Variants in LRP1B observed in about 807,000 individuals in gnomAD.
LRP1B encodes LDL receptor related protein 1B, also known as low-density lipoprotein receptor-related protein 1B.
LRP1B carries 217 observed loss-of-function variants against 556.6 expected under a neutral mutation model. The observed-to-expected ratio is 0.39, with a 90% CI of 0.35 to 0.44. The LOEUF (loss-of-function observed/expected upper bound fraction) is 0.44, where lower values mean the gene tolerates loss of function less well. LRP1B is among the 20% of genes least tolerant of loss of function. The pLI, the probability that LRP1B is intolerant of heterozygous loss-of-function variation, is 1.00. For synonymous variants in LRP1B, 2,047 were observed against 1,865.8 expected, an observed-to-expected ratio of 1.10 and a Z score of -2.50; for missense variants, 5,053 against 5,620.8, an observed-to-expected ratio of 0.90 and a Z score of 3.23.
chr2:140,993,178 G>A (rs1697142235), intron 16 of LRP1B, among the ~76,000 whole-genome samples: 1 of 151,762 alleles, frequency 6.6e-6, no homozygotes, highest in African/African-American at 2.4e-5. Flanking sequence ...CCTAAAAAAG[G>A]ACATTTATAG....
chr2:140,706,701 G>A (rs1686850086), intron 37 of LRP1B, among the ~76,000 whole-genome samples: 1 of 152,124 alleles, frequency 6.6e-6, no homozygotes, highest in Non-Finnish European at 1.5e-5. Context: ...ACATTTGGTA[G>A]CACTGGAGCG....
intron 66 of LRP1B, among the ~76,000 whole-genome samples, chr2:140,406,640 G>A (rs1684751239): frequency 6.6e-6 from 1 of 152,066 alleles, no homozygotes; most frequent in Non-Finnish European, 1.5e-5. Flanking sequence ...AATAAAGGAG[G>A]TGAAAAATCT....
At chr2:141,343,953 A>G (rs1688156526) in intron 3 of LRP1B, among the ~76,000 whole-genome samples, 2 of 152,118 alleles carry the variant, frequency 1.3e-5, no homozygotes, top group South Asian at 4.1e-4. Flanking sequence ...TCAGGAAGAC[A>G]TCTGTGGTCT....
At chr2:141,796,766 T>A (rs1214007479) in intron 2 of LRP1B, among the ~76,000 whole-genome samples, 1 of 151,948 alleles carries the variant, frequency 6.6e-6, no homozygotes, top group Non-Finnish European at 1.5e-5. Context: ...TCAAATATTT[T>A]CTTTCACTAC....
At chr2:140,844,717 A>G (rs1050604658) in intron 29 of LRP1B, among the ~76,000 whole-genome samples, 5 of 152,182 alleles carry the variant, frequency 3.3e-5, no homozygotes, top group African/African-American at 1.2e-4. Context: ...AAGACTAATC[A>G]TGAAGTATAA....
intron 3 of LRP1B, among the ~76,000 whole-genome samples, chr2:141,455,917 T>G (rs545533971): frequency 1.3e-5 from 2 of 152,334 alleles, no homozygotes; most frequent in Admixed American, 6.5e-5. Context: ...CCACTAATTA[T>G]CACACTAGTT....
At chr2:141,964,838 C>T (rs1444926553) in intron 1 of LRP1B, among the ~76,000 whole-genome samples, 30 of 151,528 alleles carry the variant, frequency 2.0e-4, no homozygotes, top group Non-Finnish European at 2.4e-4. Flanking sequence ...ATTTTTGCAA[C>T]CTACTCATCT....
intron 86 of LRP1B, among the ~76,000 whole-genome samples, 192 bp from the exon 87 acceptor site, chr2:140,247,354 T>C (rs879322216): frequency 6.6e-6 from 1 of 151,658 alleles, no homozygotes; most frequent in Non-Finnish European, 1.5e-5. Flanking sequence ...TTGGACTTCC[T>C]TTGTTAAAAT....
chr2:140,739,528 G>C (rs189899695), intron 35 of LRP1B, among the ~76,000 whole-genome samples: 265 of 152,266 alleles, frequency 1.7e-3, no homozygotes, highest in African/African-American at 6.1e-3. Flanking sequence ...TGGTACATGA[G>C]ATTTTAAAAG....
intron 35 of LRP1B, among the ~76,000 whole-genome samples, chr2:140,740,902 T>C (rs1242358656): frequency 6.6e-6 from 1 of 151,990 alleles, no homozygotes; most frequent in Admixed American, 6.6e-5. Flanking sequence ...CTTAATTACA[T>C]CTCAAAAGGC....
At chr2:141,616,428 T>C (rs969380347) in intron 2 of LRP1B, among the ~76,000 whole-genome samples, 6 of 152,208 alleles carry the variant, frequency 3.9e-5, no homozygotes, top group African/African-American at 1.2e-4. Flanking sequence ...TACGTGGCTA[T>C]ACCTACTCTT....
At chr2:140,739,485 A>T (rs1456142340) in intron 35 of LRP1B, among the ~76,000 whole-genome samples, 2 of 152,190 alleles carry the variant, frequency 1.3e-5, no homozygotes, top group Non-Finnish European at 2.9e-5. Flanking sequence ...GGTTGTACAT[A>T]GAAAGGAGAG....
intron 41 of LRP1B, among the ~76,000 whole-genome samples, chr2:140,639,351 C>T (rs1427175234): frequency 1.3e-5 from 2 of 152,084 alleles, no homozygotes; most frequent in African/African-American, 4.8e-5. Flanking sequence ...CACTACAACA[C>T]GTATTTTCTT....
intron 62 of LRP1B, among the ~76,000 whole-genome samples, chr2:140,454,702 G>A (rs1182708213): frequency 1.3e-5 from 2 of 152,086 alleles, no homozygotes; most frequent in East Asian, 1.9e-4. Context: ...GGGTGAGTTA[G>A]GTTTTCATTT....
At chr2:140,991,659 G>T (rs1490796766) in intron 16 of LRP1B, among the ~76,000 whole-genome samples, 1 of 152,018 alleles carries the variant, frequency 6.6e-6, no homozygotes, top group Admixed American at 6.6e-5. Context: ...ATTTCAATTT[G>T]GTTTGGCAAC....
intron 2 of LRP1B, among the ~76,000 whole-genome samples, chr2:141,724,129 A>G (rs1353836025): frequency 6.6e-6 from 1 of 151,914 alleles, no homozygotes; most frequent in African/African-American, 2.4e-5. Flanking sequence ...TTAAACTTCA[A>G]ATTACTCCCC....
chr2:140,260,405 A>G (rs1047156400), intron 86 of LRP1B, among the ~76,000 whole-genome samples: 1 of 151,948 alleles, frequency 6.6e-6, no homozygotes, highest in African/African-American at 2.4e-5. Flanking sequence ...AATTCCAGCA[A>G]TAAGAGATGT....
chr2:141,407,980 A>G (rs574268425), intron 3 of LRP1B, among the ~76,000 whole-genome samples: 1 of 152,210 alleles, frequency 6.6e-6, no homozygotes, highest in East Asian at 1.9e-4. Flanking sequence ...CATCCATATA[A>G]CTAGTCACAC....
chr2:141,518,639 T>A (rs1684412829), intron 2 of LRP1B, among the ~76,000 whole-genome samples: 1 of 151,926 alleles, frequency 6.6e-6, no homozygotes, highest in Admixed American at 6.6e-5. Flanking sequence ...CCAACGTGAG[T>A]GGTGATAGAA....
Sources: gnomAD v4.1 joint callset for allele counts (sites outside exome capture counted in the v4.1 genomes callset) on GRCh38, gnomAD v4.1.1 for gene constraint, MANE v1.5 for transcripts, NCBI Gene and HGNC (gene_info 2026-07-23, HGNC 2026-07-21) for gene names.